Variants in CPNE4 observed in about 807,000 individuals in gnomAD.
CPNE4 encodes copine 4.
Under a neutral mutation model 67.9 loss-of-function variants are expected in CPNE4, and 25 were observed. That is an observed-to-expected ratio of 0.37 (90% CI 0.27 to 0.51). The LOEUF (loss-of-function observed/expected upper bound fraction) is 0.51. Ranked by LOEUF, CPNE4 falls within the 20% of genes least tolerant of loss-of-function variation. The pLI, the probability that CPNE4 is intolerant of heterozygous loss-of-function variation, is 0.93. For synonymous variants in CPNE4, 242 were observed against 244.9 expected, an observed-to-expected ratio of 0.99 and a Z score of 0.11; for missense variants, 464 against 690.8, an observed-to-expected ratio of 0.67 and a Z score of 3.68.
intron 3 of CPNE4, among the ~76,000 whole-genome samples, chr3:131,721,242 G>T (rs1351509770): frequency 7.9e-5 from 12 of 151,650 alleles, no homozygotes; most frequent in African/African-American, 2.9e-4. Context: ...TTACTTGCAA[G>T]GTTAAGGACT....
intron 1 of CPNE4, among the ~76,000 whole-genome samples, chr3:131,951,515 C>T (rs1225016): frequency 0.08 from 12,102 of 152,146 alleles, 626 homozygotes; most frequent in Admixed American, 0.16. Context: ...CTTCTTCAGC[C>T]CTCTCCCTCT....
chr3:131,889,388 G>C (rs1484157003), intron 2 of CPNE4, among the ~76,000 whole-genome samples: 1 of 152,120 alleles, frequency 6.6e-6, no homozygotes, highest in Admixed American at 6.5e-5. Flanking sequence ...CTTTCCCAAG[G>C]TCACACAGTT....
At chr3:131,852,917 AC>A (rs1456875514) in intron 2 of CPNE4, among the ~76,000 whole-genome samples, 1 of 151,682 alleles carries the variant, frequency 6.6e-6, no homozygotes, top group East Asian at 1.9e-4. Context: ...GCATGTACAA[AC>A]TATATGGTGA....
At chr3:131,640,953 T>C (rs1161905158) in intron 7 of CPNE4, among the ~76,000 whole-genome samples, 1 of 152,184 alleles carries the variant, frequency 6.6e-6, no homozygotes, top group East Asian at 1.9e-4. Flanking sequence ...CTGGGATAAT[T>C]GGCAAGCCAC....
chr3:131,754,835 G>A (rs899978083), intron 2 of CPNE4, among the ~76,000 whole-genome samples: 4 of 152,134 alleles, frequency 2.6e-5, no homozygotes, highest in South Asian at 2.1e-4. Flanking sequence ...AAACACAGAG[G>A]TATTTTGTAT....
At chr3:131,884,880 G>A (rs1380685520) in intron 2 of CPNE4, among the ~76,000 whole-genome samples, 1 of 152,178 alleles carries the variant, frequency 6.6e-6, no homozygotes, top group African/African-American at 2.4e-5. Context: ...ACATGGAACT[G>A]TAAGTCCAAT....
intron 7 of CPNE4, among the ~76,000 whole-genome samples, chr3:131,619,146 A>C (rs1166884709): frequency 6.6e-6 from 1 of 152,192 alleles, no homozygotes; most frequent in Non-Finnish European, 1.5e-5. Flanking sequence ...ATCTAGTTTG[A>C]AGACCTTAGG....
chr3:131,996,528 AG>A (rs2073297850), intron 1 of CPNE4, among the ~76,000 whole-genome samples: 2 of 152,044 alleles, frequency 1.3e-5, no homozygotes, highest in South Asian at 4.2e-4. Flanking sequence ...AGTCCACGAT[AG>A]GAACAGAAGA....
At chr3:131,727,394 A>G (rs936734461) in intron 2 of CPNE4, among the ~76,000 whole-genome samples, 1 of 151,878 alleles carries the variant, frequency 6.6e-6, no homozygotes, top group Non-Finnish European at 1.5e-5. Flanking sequence ...GGAAATCAAG[A>G]CCATCCTGCC....
intron 2 of CPNE4, among the ~76,000 whole-genome samples, chr3:131,896,614 T>G (rs942561091): frequency 4.6e-5 from 7 of 152,146 alleles, no homozygotes; most frequent in African/African-American, 1.7e-4. Context: ...GAGTTTTAAT[T>G]GATCACAAAC....
intron 2 of CPNE4, among the ~76,000 whole-genome samples, chr3:131,847,001 C>A (rs971366835): frequency 3.9e-5 from 6 of 152,178 alleles, no homozygotes; most frequent in Non-Finnish European, 7.3e-5. Context: ...GGAGGGAAGT[C>A]AAAGTCATAT....
At chr3:131,700,490 GAAGT>G (rs2081270444) in intron 3 of CPNE4, among the ~76,000 whole-genome samples, 1 of 152,196 alleles carries the variant, frequency 6.6e-6, no homozygotes, top group African/African-American at 2.4e-5. Context: ...CAAGTCAATA[GAAGT>G]AATTGCGGTT....
At chr3:131,901,462 T>C (rs761477880) in intron 2 of CPNE4, among the ~76,000 whole-genome samples, 4 of 152,090 alleles carry the variant, frequency 2.6e-5, no homozygotes, top group Non-Finnish European at 4.4e-5. Flanking sequence ...TTGTAATGTA[T>C]TTCAAAGTCA....
chr3:131,927,251 T>C (rs1387584260), intron 1 of CPNE4, among the ~76,000 whole-genome samples: 1 of 152,216 alleles, frequency 6.6e-6, no homozygotes, highest in Non-Finnish European at 1.5e-5. Context: ...TGCATCTGTC[T>C]GTCATCAAAG....
chr3:132,018,992 T>A (rs1224295368), intron 1 of CPNE4, among the ~76,000 whole-genome samples: 1 of 152,230 alleles, frequency 6.6e-6, no homozygotes, highest in African/African-American at 2.4e-5. Context: ...AACTCTGCTT[T>A]ATCAAGAACT....
At chr3:131,722,295 T>G (rs2081907122) in intron 3 of CPNE4, among the ~76,000 whole-genome samples, 1 of 152,032 alleles carries the variant, frequency 6.6e-6, no homozygotes, top group Non-Finnish European at 1.5e-5. Context: ...GAATCTCTCT[T>G]TGAGAAAAAA....
chr3:131,624,479 GC>G (rs2079010991), intron 7 of CPNE4, among the ~76,000 whole-genome samples: 1 of 151,982 alleles, frequency 6.6e-6, no homozygotes, highest in East Asian at 1.9e-4. Context: ...TTTCCCCAGA[GC>G]CTTTTTTTGT....
intron 7 of CPNE4, among the ~76,000 whole-genome samples, chr3:131,639,840 T>A (rs777268252): frequency 6.6e-6 from 1 of 152,044 alleles, no homozygotes; most frequent in Non-Finnish European, 1.5e-5. Context: ...ACCAGGGATA[T>A]GAGATGGTTT....
chr3:131,791,551 G>C (rs1235214261), intron 2 of CPNE4, among the ~76,000 whole-genome samples: 2 of 152,100 alleles, frequency 1.3e-5, no homozygotes, highest in Non-Finnish European at 2.9e-5. Context: ...AGGGTTTACT[G>C]TCATTATAGA....
Sources: allele counts gnomAD v4.1 joint callset (sites outside exome capture counted in the v4.1 genomes callset), GRCh38; gene constraint gnomAD v4.1.1; transcripts MANE v1.5; gene names NCBI Gene and HGNC (gene_info 2026-07-23, HGNC 2026-07-21).